ADGRL3: variants seen among roughly 807,000 people sequenced by gnomAD.
The protein encoded by ADGRL3 is adhesion G protein-coupled receptor L3.
A neutral mutation model predicts 153.5 loss-of-function variants in ADGRL3; 62 were observed. The observed-to-expected ratio is 0.40, with a 90% CI of 0.33 to 0.50. ADGRL3 has a LOEUF of 0.50. Among genes scored for constraint, ADGRL3 ranks in the 20% least tolerant of loss-of-function variants. The pLI is 0.47. For synonymous variants in ADGRL3, 710 were observed against 672.5 expected (o/e 1.06, Z -0.86); for missense variants, 1,641 against 1,859.4 (o/e 0.88, Z 2.16).
rs113103757 is a variant in ADGRL3, at chr4:61,271,963, G to A, written c.-240+70198G>A. On this transcript the variant is annotated intron_variant, in intron 1 of 26. Coordinates refer to ENST00000683033, the MANE Select transcript of ADGRL3 (RefSeq NM_001387552.1). ...AAGGAAAATGTAGTTCTTTAACAAAGATCTTTTCAGTATATGTTAAATTTA... is the reference window on the plus strand; with the variant it reads ...AAGGAAAATGTAGTTCTTTAACAAAAATCTTTTCAGTATATGTTAAATTTA... Among the ~76,000 whole-genome samples, 1,350 of 152,032 alleles carry A rather than the reference G, an allele frequency of 8.9e-3. 18 individuals are homozygous for A. The highest frequency in any genetic ancestry group is 0.031 in the African/African-American group (1,306 of 41,534).
At chr4:61,925,968 G>A (rs1003339060) in intron 13 of ADGRL3, among the ~76,000 whole-genome samples, 1 of 152,094 alleles carries the variant, frequency 6.6e-6, no homozygotes, top group African/African-American at 2.4e-5. Flanking sequence ...AAACATCATA[G>A]GGTATACTTA....
intron 6 of ADGRL3, among the ~76,000 whole-genome samples, chr4:61,700,041 A>T (rs2095722287): frequency 6.6e-6 from 1 of 152,092 alleles, no homozygotes; most frequent in African/African-American, 2.4e-5. Flanking sequence ...TGTTATAAGA[A>T]TGCAGAAAAC....
At chr4:61,321,198 G>A (rs1178354523) in intron 1 of ADGRL3, among the ~76,000 whole-genome samples, 1 of 152,050 alleles carries the variant, frequency 6.6e-6, no homozygotes, top group African/African-American at 2.4e-5. Flanking sequence ...TAGGGCATGG[G>A]CATCTTTGGT....
intron 6 of ADGRL3, among the ~76,000 whole-genome samples, chr4:61,722,003 G>A (rs962336629): frequency 1.3e-5 from 2 of 152,090 alleles, no homozygotes; most frequent in Non-Finnish European, 1.5e-5. Flanking sequence ...GAAGATTATA[G>A]TAATGAATCT....
intron 1 of ADGRL3, among the ~76,000 whole-genome samples, chr4:61,302,364 T>C (rs2094606395): frequency 6.6e-6 from 1 of 152,162 alleles, no homozygotes; most frequent in Admixed American, 6.5e-5. Flanking sequence ...GAAAGGCTAC[T>C]ACTAGTGGAG....
chr4:61,417,482 T>A (rs753895150), intron 2 of ADGRL3, among the ~76,000 whole-genome samples: 7 of 151,394 alleles, frequency 4.6e-5, no homozygotes, highest in Non-Finnish European at 8.8e-5. Context: ...AGCCAGACTC[T>A]GTCTCAAAAA....
intron 19 of ADGRL3, among the ~76,000 whole-genome samples, chr4:61,992,246 T>C (rs538657420): frequency 2.0e-5 from 3 of 152,304 alleles, no homozygotes; most frequent in South Asian, 2.1e-4. Flanking sequence ...TTTAGTGTGA[T>C]AAATTGTTCT....
chr4:61,726,418 C>G (rs1207094707), intron 6 of ADGRL3, among the ~76,000 whole-genome samples: 2 of 151,688 alleles, frequency 1.3e-5, no homozygotes, highest in Non-Finnish European at 2.9e-5. Context: ...AGGCTGGTCT[C>G]GAACTCCCGA....
intron 1 of ADGRL3, among the ~76,000 whole-genome samples, chr4:61,265,490 G>T (rs1448201106): frequency 1.3e-5 from 2 of 151,814 alleles, no homozygotes; most frequent in Admixed American, 6.6e-5. Context: ...AACTAAAGTG[G>T]CTTTGAACAG....
At chr4:61,776,316 A>ACTGTC (rs2097150808) in intron 8 of ADGRL3, among the ~76,000 whole-genome samples, 2 of 152,254 alleles carry the variant, frequency 1.3e-5, no homozygotes, top group Admixed American at 1.3e-4. Flanking sequence ...AGTGAGCAAG[A>ACTGTC]AGACTATTAT....
Position 62,071,128 on chromosome 4 carries a change from G to A in ADGRL3, c.*220G>A. The A allele has an allele frequency of 2.2e-6, 1 of 460,172 alleles. No individual in the cohort carries two copies. The highest frequency in any genetic ancestry group is 4.6e-5 in the South Asian group (1 of 21,700). 28.5% of individuals were successfully genotyped at this position (460,172 alleles called of 1,614,324 possible). A position where few individuals can be genotyped will look rare whatever the true frequency, so the allele number is the denominator to read the frequency against. On this transcript the variant is annotated 3_prime_UTR_variant, in exon 27 of 27. Transcript: ENST00000683033. ...ATTCCCCTGTACCCCATCCTTTCTT[G>A]TCCTTTCCCCTTCAGATGGAGACTT...
At chr4:61,289,988 T>C (rs114457936) in intron 1 of ADGRL3, among the ~76,000 whole-genome samples, 173 of 152,198 alleles carry the variant, frequency 1.1e-3, no homozygotes, top group African/African-American at 3.8e-3. Context: ...TATAATTTGA[T>C]TTGTGAATCT....
At chr4:61,962,274 T>C (rs1292104332) in intron 17 of ADGRL3, among the ~76,000 whole-genome samples, 1 of 152,044 alleles carries the variant, frequency 6.6e-6, no homozygotes, top group Admixed American at 6.6e-5. Context: ...ATTACTGATA[T>C]TATATTACTT....
At chr4:61,690,234 C>G (rs1245791431) in intron 6 of ADGRL3, among the ~76,000 whole-genome samples, 2 of 152,056 alleles carry the variant, frequency 1.3e-5, no homozygotes, top group African/African-American at 4.8e-5. Flanking sequence ...GGCTTGAGCT[C>G]AGGAGTTCAA....
chr4:61,990,952 CTGTGTGTGTG>C (rs34294452), intron 19 of ADGRL3, among the ~76,000 whole-genome samples: 14,776 of 142,308 alleles, frequency 0.1, 946 homozygotes, highest in African/African-American at 0.19. Context: ...ATGTTTGAAA[CTGTGTGTGTG>C]TGTGTGTGTG....
chr4:61,355,087 G>A (rs894828684), intron 1 of ADGRL3, among the ~76,000 whole-genome samples: 1 of 152,026 alleles, frequency 6.6e-6, no homozygotes, highest in African/African-American at 2.4e-5. Context: ...TTATTCTAAG[G>A]CCAGTTCCTT....
intron 4 of ADGRL3, among the ~76,000 whole-genome samples, chr4:61,558,111 CAT>C (rs550124753): frequency 7.8e-5 from 11 of 141,462 alleles, no homozygotes; most frequent in African/African-American, 1.1e-4. Flanking sequence ...GAAATTCCTA[CAT>C]ATATATATAT....
chr4:61,396,276 T>G (rs147683393), intron 2 of ADGRL3, among the ~76,000 whole-genome samples: 2 of 151,920 alleles, frequency 1.3e-5, no homozygotes, highest in African/African-American at 4.8e-5. Flanking sequence ...TTTATATTTA[T>G]GTTTAATATA....
At chr4:61,251,332 C>T (rs1437278949) in intron 1 of ADGRL3, among the ~76,000 whole-genome samples, 1 of 152,188 alleles carries the variant, frequency 6.6e-6, no homozygotes, top group Admixed American at 6.5e-5. Context: ...CCCATGTGAC[C>T]TGGACTTCTC....
Sources: allele counts gnomAD v4.1 joint callset (sites outside exome capture counted in the v4.1 genomes callset), GRCh38; gene constraint gnomAD v4.1.1; transcripts MANE v1.5; gene names NCBI Gene and HGNC (gene_info 2026-07-23, HGNC 2026-07-21).